The following RGS5 variants were observed in gnomAD, a reference collection of about 807,000 sequenced individuals.
RGS5 encodes regulator of G-protein signalling 5.
RGS5 carries 20 observed loss-of-function variants against 18.9 expected under a neutral mutation model. The observed-to-expected ratio is 1.06, with a 90% CI of 0.74 to 1.54. The LOEUF (loss-of-function observed/expected upper bound fraction) is 1.54, where lower values mean the gene tolerates loss of function less well. Ranked by LOEUF, RGS5 falls within the 40% of genes most tolerant of loss-of-function variation. The probability of loss-of-function intolerance (pLI) is 0.00; values close to 1 mark genes in which losing one functional copy is unlikely to be tolerated. For synonymous variants in RGS5, 57 were observed against 76.2 expected (o/e 0.75, Z 1.31); for missense variants, 201 against 211.8 (o/e 0.95, Z 0.32).
chr1:163,165,672 G>A (rs927380504), intron 2 of RGS5, among the ~76,000 whole-genome samples: 4 of 152,160 alleles, frequency 2.6e-5, no homozygotes, highest in African/African-American at 4.8e-5. Flanking sequence ...TTGGGAGGCC[G>A]AGGTGGGCAG....
In RGS5 at chr1:163,291,724, C is replaced by G. The variant is rs184233021; in HGVS notation, c.-281+14509G>C. Among the ~76,000 whole-genome samples the G allele has an allele frequency of 5.4e-4, 82 of 152,232 alleles. 1 individual carries two copies. Among genetic ancestry groups the G allele is most frequent in the African/African-American group, 1.9e-3 (79 of 41,546 alleles). On this transcript the variant is annotated intron_variant, in intron 2 of 5. Coordinates refer to the RGS5 transcript ENST00000618415. Reference sequence around the variant, plus strand: ...GGCCAGCTTAGACTCCCTATGATTTCATCTCTGACCCAACCAATCAGCACT... The same window carrying G: ...GGCCAGCTTAGACTCCCTATGATTTGATCTCTGACCCAACCAATCAGCACT...
At chr1:163,217,656 T>C (rs1168122195), upstream of RGS5, 19 of 1,500,808 alleles carry the variant, frequency 1.3e-5, no homozygotes, top group Non-Finnish European at 1.5e-5. Flanking sequence ...TAGTGTTCCT[T>C]AGAATTTGTT....
intron 2 of RGS5, chr1:163,266,680 A>T (rs1401734098): frequency 6.6e-6 from 1 of 152,132 alleles, no homozygotes; most frequent in Non-Finnish European, 1.5e-5. Flanking sequence ...CTCAGGTAGA[A>T]TGAGTCATTT....
chr1:163,315,313 T>A (rs970309469), intron 1 of RGS5, among the ~76,000 whole-genome samples: 1 of 152,126 alleles, frequency 6.6e-6, no homozygotes, highest in African/African-American at 2.4e-5. Flanking sequence ...TTCCAGCACT[T>A]TGGGAGGCCA....
At chr1:163,300,917 A>T (rs1018877756) in intron 2 of RGS5, among the ~76,000 whole-genome samples, 1 of 152,166 alleles carries the variant, frequency 6.6e-6, no homozygotes, top group Non-Finnish European at 1.5e-5. Context: ...TAAATCTAAG[A>T]TACAGCTCAC....
At chr1:163,180,728 T>G (rs1267044319) in intron 1 of RGS5, among the ~76,000 whole-genome samples, 1 of 126,708 alleles carries the variant, frequency 7.9e-6, no homozygotes, top group Non-Finnish European at 1.6e-5. Flanking sequence ...GGAGTCTCGC[T>G]CTGTTGCCCA....
intron 2 of RGS5, among the ~76,000 whole-genome samples, chr1:163,276,680 C>G (rs1648866211): frequency 6.6e-6 from 1 of 152,192 alleles, no homozygotes; most frequent in South Asian, 2.1e-4. Context: ...TGTCTTCTGA[C>G]TCTAAGTCTC....
chr1:163,300,181 C>T (rs1045298414), intron 2 of RGS5, among the ~76,000 whole-genome samples: 2 of 152,184 alleles, frequency 1.3e-5, no homozygotes, highest in African/African-American at 2.4e-5. Flanking sequence ...GTTAGTGAAT[C>T]CCATGATGGT....
At chr1:163,282,257 T>C (rs991718451) in intron 2 of RGS5, among the ~76,000 whole-genome samples, 1 of 152,130 alleles carries the variant, frequency 6.6e-6, no homozygotes, top group Admixed American at 6.6e-5. Context: ...AATAAAAATC[T>C]GATTTTAAAA....
chr1:163,253,398 T>C (rs1230606564), intron 2 of RGS5, among the ~76,000 whole-genome samples: 1 of 151,384 alleles, frequency 6.6e-6, no homozygotes. Flanking sequence ...ACCCTCCGCC[T>C]CCCAGCTTCA....
intron 1 of RGS5, among the ~76,000 whole-genome samples, chr1:163,179,521 C>T (rs542601437): frequency 3.9e-5 from 6 of 152,138 alleles, no homozygotes; most frequent in South Asian, 2.1e-4. Flanking sequence ...CAACATAGAA[C>T]GTAACATAGA....
intron 2 of RGS5, among the ~76,000 whole-genome samples, chr1:163,167,248 G>A (rs1422151392): frequency 1.3e-5 from 2 of 152,162 alleles, no homozygotes; most frequent in Non-Finnish European, 2.9e-5. Context: ...AGGTTAAAGG[G>A]ACTCCTATAT....
At chr1:163,263,741 T>C (rs889125042) in intron 2 of RGS5, among the ~76,000 whole-genome samples, 2 of 152,068 alleles carry the variant, frequency 1.3e-5, no homozygotes, top group Non-Finnish European at 2.9e-5. Context: ...GTTTTCGGAA[T>C]ATTTTGTTTA....
intron 2 of RGS5, among the ~76,000 whole-genome samples, chr1:163,226,604 T>C (rs1448162058): frequency 6.6e-6 from 1 of 152,198 alleles, no homozygotes; most frequent in African/African-American, 2.4e-5. Context: ...CTAATAAGTA[T>C]GCTTAATATA....
chr1:163,298,122 C>T (rs1649467769), intron 2 of RGS5, among the ~76,000 whole-genome samples: 1 of 151,896 alleles, frequency 6.6e-6, no homozygotes, highest in South Asian at 2.1e-4. Context: ...ATACACAAGG[C>T]AAAATGCAAG....
intron 3 of RGS5, 60 bp from the exon 4 acceptor site, chr1:163,152,776 T>C (rs758371035): frequency 2.9e-5 from 43 of 1,461,942 alleles, no homozygotes; most frequent in Non-Finnish European, 3.9e-5. Context: ...AAATATTGTA[T>C]CCATGAGAGA....
In RGS5 at chr1:163,146,896, G is replaced by C. The variant is rs1033034863; in HGVS notation, c.*446C>G. On this transcript the variant is annotated 3_prime_UTR_variant, in exon 5 of 5. Coordinates refer to ENST00000313961, the MANE Select transcript of RGS5 (RefSeq NM_003617.4). Reference sequence around the variant, plus strand: ...TAACCAAGTTCAGAAATAATTAGAGGGGTGATCTCCCTGGATCAGAACTAA... The same window carrying C: ...TAACCAAGTTCAGAAATAATTAGAGCGGTGATCTCCCTGGATCAGAACTAA... The C allele has an allele frequency of 6.6e-6, 1 of 152,422 alleles. No individual in the cohort carries two copies. Among genetic ancestry groups the C allele is most frequent in the Non-Finnish European group, 1.5e-5 (1 of 68,246 alleles). The allele number at this position is 152,422 out of a possible 1,614,324, so 9.4% of individuals were successfully genotyped here. A position where few individuals can be genotyped will look rare whatever the true frequency, so the allele number is the denominator to read the frequency against.
rs557325848 is a variant in RGS5 at position 163,233,931 on chromosome 1, G to C, written c.-280-65563C>G. The stretch of plus-strand genomic sequence containing the variant: ...GGAATCACAGCTAAGGCAGGAACTG[G>C]CTATTTTCACTTCTTTTGTGGATCT... On this transcript the variant is annotated intron_variant, in intron 2 of 5. Transcript: ENST00000618415. 2.8e-3 allele frequency among the ~76,000 whole-genome samples: 423 copies of C among 152,256 alleles called. 3 individuals carry two copies. The highest frequency in any genetic ancestry group is 9.7e-3 in the African/African-American group (404 of 41,540).
intron 2 of RGS5, among the ~76,000 whole-genome samples, chr1:163,272,258 T>C (rs1648741571): frequency 6.6e-6 from 1 of 152,132 alleles, no homozygotes; most frequent in Non-Finnish European, 1.5e-5. Flanking sequence ...ATGTTTTAGA[T>C]TGTTTACCTT....
Sources: gnomAD v4.1 joint callset for allele counts (sites outside exome capture counted in the v4.1 genomes callset) on GRCh38, gnomAD v4.1.1 for gene constraint, MANE v1.5 for transcripts, NCBI Gene and HGNC (gene_info 2026-07-23, HGNC 2026-07-21) for gene names.